Variants in CFTR observed in about 807,000 individuals in gnomAD.
CFTR encodes CF transmembrane conductance regulator, also known as cystic fibrosis transmembrane conductance regulator.
Under a neutral mutation model 171.6 loss-of-function variants are expected in CFTR, and 181 were observed. The ratio of observed to expected loss-of-function variants is 1.05; its 90% CI spans 0.93 to 1.19. CFTR has a LOEUF of 1.19. Among genes scored for constraint, CFTR ranks in the 50% most tolerant of loss-of-function variants. The pLI, the probability that CFTR is intolerant of heterozygous loss-of-function variation, is 0.00. For missense variants in CFTR, 1,968 were observed against 1,734.7 expected, an observed-to-expected ratio of 1.13 and a Z score of -2.39; for synonymous variants, 583 against 608.0, an observed-to-expected ratio of 0.96 and a Z score of 0.60.
intron 26 of CFTR, 53 bp downstream of exon 26, chr7:117,665,617 A>G: frequency 1.8e-6 from 2 of 1,106,126 alleles, no homozygotes; most frequent in South Asian, 2.5e-5. Context: ...ATTCTTGATA[A>G]CAATCTCACA....
chr7:117,546,053 G>A (rs1415421950), intron 9 of CFTR, among the ~76,000 whole-genome samples: 1 of 151,942 alleles, frequency 6.6e-6, no homozygotes, highest in Non-Finnish European at 1.5e-5. Flanking sequence ...GAGTGCAGTG[G>A]TGCGATCTTG....
At chr7:117,504,139 C>A in intron 1 of CFTR, 114 bp from the exon 2 acceptor site, 1 of 718,948 alleles carries the variant, frequency 1.4e-6, no homozygotes. Flanking sequence ...ATTTTATTCT[C>A]ATATTTACAT....
At chr7:117,597,415 C>T (rs1284947436) in intron 15 of CFTR, among the ~76,000 whole-genome samples, 1 of 152,200 alleles carries the variant, frequency 6.6e-6, no homozygotes, top group Non-Finnish European at 1.5e-5. Flanking sequence ...GGATGTCCAA[C>T]CCTGTGGTTT....
intron 1 of CFTR, among the ~76,000 whole-genome samples, chr7:117,500,918 G>A (rs375175691): frequency 1.3e-5 from 2 of 152,104 alleles, no homozygotes; most frequent in East Asian, 3.9e-4. Context: ...ATTAAAATGG[G>A]CACAGATAAC....
Position 117,530,967 on chromosome 7 carries a change from G to A in CFTR, c.342G>A (p.Lys114=), listed in dbSNP as rs1798851768. 2 of 1,613,694 alleles carry A rather than the reference G, an allele frequency of 1.2e-6. No individual in the cohort carries two copies. Among genetic ancestry groups the A allele is most frequent in the Non-Finnish European group, 8.5e-7 (1 of 1,179,846 alleles). The change falls in exon 4 of 27, where the codon AAG becomes AAA. Residue 114 remains lysine, a synonymous_variant. Coordinates refer to ENST00000003084, the MANE Select transcript of CFTR (RefSeq NM_000492.4). ...RIIASYDPDN[K]EERSIAIYLG... ...TAGCTTCCTATGACCCGGATAACAA[G>A]GAGGAACGCTCTATCGCGATTTATC...
At chr7:117,584,697 T>C (rs1220701549) in intron 11 of CFTR, among the ~76,000 whole-genome samples, 1 of 152,166 alleles carries the variant, frequency 6.6e-6, no homozygotes, top group Non-Finnish European at 1.5e-5. Flanking sequence ...TTTTTCTAGT[T>C]CTGTGAAGAA....
intron 1 of CFTR, among the ~76,000 whole-genome samples, chr7:117,499,221 A>G (rs1225478222): frequency 1.3e-5 from 2 of 152,164 alleles, no homozygotes; most frequent in Non-Finnish European, 2.9e-5. Flanking sequence ...AAAATGTCAG[A>G]TGCGTCTTTT....
chr7:117,621,016 C>T (rs1049640994), intron 21 of CFTR, among the ~76,000 whole-genome samples: 1 of 152,212 alleles, frequency 6.6e-6, no homozygotes, highest in African/African-American at 2.4e-5. Flanking sequence ...GCAGGAGAAT[C>T]GATTGAACCC....
Position 117,592,400 on chromosome 7 carries a change from G to A in CFTR, c.2233G>A (p.Gly745Arg). 1 of 1,613,848 alleles carries A rather than the reference G, an allele frequency of 6.2e-7. No individual in the cohort carries two copies. Among genetic ancestry groups the A allele is most frequent in the East Asian group, 2.2e-5 (1 of 44,878 alleles). Residue 745 changes from glycine to arginine, a missense_variant, in exon 14 of 27, where the codon GGA becomes AGA. By Grantham distance (125) the Gly-to-Arg change is moderately radical. Coordinates refer to ENST00000003084, the MANE Select transcript of CFTR (RefSeq NM_000492.4). The stretch of plus-strand genomic sequence containing the variant: ...GTCCTTAGTACCAGATTCTGAGCAG[G>A]GAGAGGCGATACTGCCTCGCATCAG... Reference protein sequence around the residue: ...RLSLVPDSEQGEAILPRISVI... With the variant: ...RLSLVPDSEQREAILPRISVI...
chr7:117,643,518 G>A (rs1457694672), intron 23 of CFTR, among the ~76,000 whole-genome samples: 2 of 152,056 alleles, frequency 1.3e-5, no homozygotes, highest in African/African-American at 4.8e-5. Flanking sequence ...AACTAATGAG[G>A]CACTAAATAT....
At chr7:117,561,072 A>G (rs1192896097) in intron 11 of CFTR, among the ~76,000 whole-genome samples, 3 of 152,148 alleles carry the variant, frequency 2.0e-5, no homozygotes, top group Admixed American at 6.6e-5. Flanking sequence ...TATAGCTTAA[A>G]TATATTACTA....
At chr7:117,519,337 A>G (rs1562886671) in intron 3 of CFTR, among the ~76,000 whole-genome samples, 1 of 152,088 alleles carries the variant, frequency 6.6e-6, no homozygotes, top group African/African-American at 2.4e-5. Flanking sequence ...TATGAGCCCA[A>G]AAACTATTGT....
At chr7:117,484,789 CTTTGT>C (rs1798046668) in intron 1 of CFTR, among the ~76,000 whole-genome samples, 2 of 150,888 alleles carry the variant, frequency 1.3e-5, no homozygotes, top group South Asian at 4.2e-4. Flanking sequence ...AAAAGTTCTC[CTTTGT>C]TTTGAAGTTT....
intron 4 of CFTR, among the ~76,000 whole-genome samples, chr7:117,531,344 GT>G (rs4148694): frequency 1.4e-4 from 21 of 148,650 alleles, no homozygotes; most frequent in African/African-American, 3.4e-4. Flanking sequence ...CTCTGTTGTA[GT>G]TTTTTTTTTC....
At chr7:117,512,155 G>T (rs1377795276) in intron 3 of CFTR, among the ~76,000 whole-genome samples, 2 of 152,068 alleles carry the variant, frequency 1.3e-5, no homozygotes, top group South Asian at 2.1e-4. Context: ...TATAAAATTT[G>T]CTGTTAACTG....
At chr7:117,550,104 G>A (rs1365472381) in intron 10 of CFTR, among the ~76,000 whole-genome samples, 1 of 152,138 alleles carries the variant, frequency 6.6e-6, no homozygotes, top group Non-Finnish European at 1.5e-5. Flanking sequence ...TGGAGGCAGA[G>A]GCAGGTGAAT....
chr7:117,494,185 G>A (rs949529346), intron 1 of CFTR, among the ~76,000 whole-genome samples: 8 of 151,962 alleles, frequency 5.3e-5, no homozygotes, highest in Admixed American at 3.9e-4. Flanking sequence ...GTCACTTCTA[G>A]TCTCTATTTC....
At position 117,559,616 on chromosome 7, in the gene CFTR, T is replaced by C. The variant is rs747504631; in HGVS notation, c.1545T>C (p.Tyr515=). The change falls in exon 11 of 27, where the codon TAT becomes TAC. Residue 515 remains tyrosine (Y), a synonymous_variant. Transcript: ENST00000003084. The part of the protein sequence containing the change: ...NIIFGVSYDE[Y]RYRSVIKACQ... Reference sequence around the variant, plus strand: ...TCTTTGGTGTTTCCTATGATGAATATAGATACAGAAGCGTCATCAAAGCAT... The same window carrying C: ...TCTTTGGTGTTTCCTATGATGAATACAGATACAGAAGCGTCATCAAAGCAT... 2.5e-6 allele frequency: 4 copies of C among 1,613,400 alleles called. No homozygotes were observed. The highest frequency in any genetic ancestry group is 2.2e-5 in the East Asian group (1 of 44,786).
rs114992776 is a variant in CFTR at position 117,634,227 on chromosome 7, G to A, written c.3717+6457G>A. ...GAGTTTTAGCAGATTGTCTTTCAAGGAATTGGTCTATTTCATTTAGGTTAT... is the reference window on the plus strand; with the variant it reads ...GAGTTTTAGCAGATTGTCTTTCAAGAAATTGGTCTATTTCATTTAGGTTAT... On this transcript the variant is annotated intron_variant, in intron 22 of 26. Transcript: ENST00000003084. Among the ~76,000 whole-genome samples, 801 of 152,130 alleles carry A rather than the reference G, an allele frequency of 5.3e-3. 6 individuals carry two copies. The highest frequency in any genetic ancestry group is 0.018 in the African/African-American group (748 of 41,540).
Sources: allele counts gnomAD v4.1 joint callset (sites outside exome capture counted in the v4.1 genomes callset), GRCh38; gene constraint gnomAD v4.1.1; transcripts MANE v1.5; gene names NCBI Gene and HGNC (gene_info 2026-07-23, HGNC 2026-07-21).